The following RMDN2 variants were observed in gnomAD, a reference collection of about 807,000 sequenced individuals.
RMDN2 encodes the protein regulator of microtubule dynamics 2, also known as regulator of microtubule dynamics protein 2.
Under a neutral mutation model 52.8 loss-of-function variants are expected in RMDN2, and 61 were observed. The ratio of observed to expected loss-of-function variants is 1.16; its 90% CI spans 0.94 to 1.43. RMDN2 has a LOEUF of 1.43. RMDN2 is among the 40% of genes most tolerant of loss of function. RMDN2 has a pLI of 0.00. For missense variants in RMDN2, 592 were observed against 475.3 expected, an observed-to-expected ratio of 1.25 and a Z score of -2.28; for synonymous variants, 180 against 153.1, an observed-to-expected ratio of 1.18 and a Z score of -1.30.
At chr2:37,962,306 C>G (rs906394407) in intron 2 of RMDN2, among the ~76,000 whole-genome samples, 1 of 152,224 alleles carries the variant, frequency 6.6e-6, no homozygotes, top group East Asian at 1.9e-4. Context: ...ACCCCTTCCC[C>G]CAGGTGTTCT....
At chr2:38,027,218 C>G (rs1679842480) in intron 10 of RMDN2, 2 of 152,354 alleles carry the variant, frequency 1.3e-5, no homozygotes, top group African/African-American at 4.8e-5. Context: ...TTTTGTGTTT[C>G]TGCTCCATAC....
intron 2 of RMDN2, among the ~76,000 whole-genome samples, chr2:37,931,838 T>C (rs1052487370): frequency 1.3e-5 from 2 of 152,176 alleles, no homozygotes; most frequent in African/African-American, 4.8e-5. Flanking sequence ...AGGAGAGACA[T>C]TCCCTCCTCT....
At chr2:37,993,578 G>C (rs909350659) in intron 7 of RMDN2, among the ~76,000 whole-genome samples, 3 of 151,990 alleles carry the variant, frequency 2.0e-5, no homozygotes, top group African/African-American at 4.8e-5. Flanking sequence ...AAGAATACCA[G>C]TTCCAAGTAC....
chr2:38,001,665 C>T (rs1415347705), intron 8 of RMDN2, among the ~76,000 whole-genome samples: 7 of 152,158 alleles, frequency 4.6e-5, no homozygotes, highest in African/African-American at 1.7e-4. Context: ...ATATGGGATT[C>T]GGACAGAGCT....
intron 2 of RMDN2, chr2:37,951,576 A>G: frequency 6.2e-7 from 1 of 1,613,042 alleles, no homozygotes; most frequent in Non-Finnish European, 8.5e-7. Flanking sequence ...TGGTAGCTTT[A>G]TTTCCCGCAG....
At chr2:38,015,173 C>G (rs1678574401) in intron 10 of RMDN2, among the ~76,000 whole-genome samples, 1 of 152,200 alleles carries the variant, frequency 6.6e-6, no homozygotes, top group Non-Finnish European at 1.5e-5. Context: ...TTCTATCTGT[C>G]TGGGTTCTGC....
At chr2:38,038,872 C>T (rs1018125263) in intron 10 of RMDN2, among the ~76,000 whole-genome samples, 3 of 152,058 alleles carry the variant, frequency 2.0e-5, no homozygotes, top group Non-Finnish European at 2.9e-5. Flanking sequence ...CATCCCTGCC[C>T]TGATAGGTTT....
chr2:38,022,032 G>A (rs1679421817), downstream of RMDN2, among the ~76,000 whole-genome samples: 1 of 152,142 alleles, frequency 6.6e-6, no homozygotes, highest in Admixed American at 6.5e-5. Flanking sequence ...ACTGAGGCTT[G>A]GAATAAATAA....
At chr2:37,980,266 C>T (rs1020638677) in intron 4 of RMDN2, among the ~76,000 whole-genome samples, 1 of 151,994 alleles carries the variant, frequency 6.6e-6, no homozygotes, top group East Asian at 1.9e-4. Flanking sequence ...TTAGATTTTC[C>T]AAGCCATAAA....
rs548041482 is a variant in RMDN2, at chr2:37,957,479, T to C, written c.453-16561T>C. Among the ~76,000 whole-genome samples the C allele has an allele frequency of 1.2e-3, 180 of 152,362 alleles. 1 individual carries two copies. Among genetic ancestry groups the C allele is most frequent in the African/African-American group, 4.2e-3 (174 of 41,586 alleles). Reference sequence around the variant, plus strand: ...GTCTGTTGATATCCTTCACCCACTTTTTGATAGGGTTGTTTGGTTTTTTCT... The same window carrying C: ...GTCTGTTGATATCCTTCACCCACTTCTTGATAGGGTTGTTTGGTTTTTTCT... On this transcript the variant is annotated intron_variant, in intron 2 of 10. Coordinates refer to ENST00000354545, the MANE Select transcript of RMDN2 (RefSeq NM_001170791.3).
At chr2:38,025,080 G>T (rs975459041) in intron 10 of RMDN2, among the ~76,000 whole-genome samples, 20 of 152,020 alleles carry the variant, frequency 1.3e-4, no homozygotes, top group African/African-American at 3.9e-4. Flanking sequence ...TGTGATTTTT[G>T]ATTGTGATTA....
chr2:38,018,493 A>G (rs894707207), downstream of RMDN2, among the ~76,000 whole-genome samples: 1 of 152,232 alleles, frequency 6.6e-6, no homozygotes, highest in Non-Finnish European at 1.5e-5. Flanking sequence ...ACAGTAAGAA[A>G]GCAGCTAGCC....
At chr2:37,952,288 C>T in intron 2 of RMDN2, 2 of 1,232,166 alleles carry the variant, frequency 1.6e-6, no homozygotes, top group Non-Finnish European at 2.3e-6. Context: ...ATTCATTTCT[C>T]ATAACTCCCC....
intron 4 of RMDN2, among the ~76,000 whole-genome samples, chr2:37,977,640 A>T (rs920526504): frequency 6.7e-6 from 1 of 150,080 alleles, no homozygotes; most frequent in East Asian, 2.0e-4. Context: ...CACCTCCCAG[A>T]CGGGGTGCCA....
chr2:37,968,153 G>A (rs926413662), intron 2 of RMDN2, among the ~76,000 whole-genome samples: 15 of 152,008 alleles, frequency 9.9e-5, no homozygotes, highest in African/African-American at 3.4e-4. Context: ...AGGTGCAATG[G>A]GTCAAGGCCA....
At chr2:38,008,844 G>A (rs185767984) in intron 10 of RMDN2, among the ~76,000 whole-genome samples, 26 of 152,240 alleles carry the variant, frequency 1.7e-4, no homozygotes, top group African/African-American at 4.3e-4. Context: ...GGCTGGTACC[G>A]GTTGTTCCTT....
chr2:37,937,777 A>T (rs1167983995), intron 2 of RMDN2, among the ~76,000 whole-genome samples: 1 of 152,216 alleles, frequency 6.6e-6, no homozygotes, highest in Non-Finnish European at 1.5e-5. Flanking sequence ...TATCAGCTTA[A>T]GGAGATTTGG....
intron 2 of RMDN2, chr2:37,953,253 A>C (rs1384231039): frequency 2.0e-5 from 3 of 152,040 alleles, no homozygotes; most frequent in Non-Finnish European, 4.4e-5. Context: ...CATTAAGTAC[A>C]TTCACATTGT....
Position 37,927,014 on chromosome 2 carries a change from A to G in RMDN2, c.-17+1589A>G, listed in dbSNP as rs546054216. The stretch of plus-strand genomic sequence containing the variant: ...GCAAGTACTCTGATGTATTTTGTAC[A>G]TTATTTTTAATGTGTCATTTTTCAA... On this transcript the variant is annotated intron_variant, in intron 1 of 10. Transcript: ENST00000354545. Among the ~76,000 whole-genome samples, 12 of 152,292 alleles carry G rather than the reference A, an allele frequency of 7.9e-5. No homozygotes were observed. In the South Asian group the frequency reaches 1.4e-3, roughly 18 times the overall value.
Sources: allele counts gnomAD v4.1 joint callset (sites outside exome capture counted in the v4.1 genomes callset), GRCh38; gene constraint gnomAD v4.1.1; transcripts MANE v1.5; gene names NCBI Gene and HGNC (gene_info 2026-07-23, HGNC 2026-07-21).